CADM2: variants seen among roughly 807,000 people sequenced by gnomAD.
The protein encoded by CADM2 is cell adhesion molecule 2, also known as immunoglobulin superfamily member 4D.
CADM2 carries 12 observed loss-of-function variants against 49.8 expected under a neutral mutation model. The observed-to-expected ratio is 0.24, with a 90% CI of 0.15 to 0.39. The LOEUF is 0.39. Ranked by LOEUF, CADM2 falls within the 10% of genes least tolerant of loss-of-function variation. CADM2 has a pLI of 1.00. For missense variants in CADM2, 378 were observed against 492.3 expected, an observed-to-expected ratio of 0.77 and a Z score of 2.20; for synonymous variants, 214 against 175.4, an observed-to-expected ratio of 1.22 and a Z score of -1.74.
intron 1 of CADM2, among the ~76,000 whole-genome samples, chr3:85,543,005 A>T (rs2061580071): frequency 6.6e-6 from 1 of 152,170 alleles, no homozygotes; most frequent in Admixed American, 6.5e-5. Flanking sequence ...TCAAACTATC[A>T]TTTTTATCAT....
chr3:85,775,766 A>C (rs915249384), intron 2 of CADM2, among the ~76,000 whole-genome samples: 3 of 151,892 alleles, frequency 2.0e-5, no homozygotes, highest in Admixed American at 6.6e-5. Flanking sequence ...GATATGAAAA[A>C]GGAATTATAC....
intron 8 of CADM2, among the ~76,000 whole-genome samples, chr3:85,997,096 T>C (rs1729525278): frequency 6.6e-6 from 1 of 152,168 alleles, no homozygotes; most frequent in South Asian, 2.1e-4. Context: ...CACTTTCATC[T>C]CTCCGTGCAG....
chr3:85,340,373 T>G (rs2045206839), intron 1 of CADM2, among the ~76,000 whole-genome samples: 1 of 151,490 alleles, frequency 6.6e-6, no homozygotes, highest in Admixed American at 6.6e-5. Flanking sequence ...TTTAGGGATT[T>G]TAAAGAACAT....
At chr3:85,002,983 T>TG (rs1559611605) in intron 1 of CADM2, among the ~76,000 whole-genome samples, 2 of 151,996 alleles carry the variant, frequency 1.3e-5, no homozygotes, top group Admixed American at 1.3e-4. Context: ...ATAATAGAGA[T>TG]GGGGGTCTCT....
chr3:85,815,186 T>G (rs1438687228), intron 3 of CADM2, among the ~76,000 whole-genome samples: 1 of 152,120 alleles, frequency 6.6e-6, no homozygotes, highest in Non-Finnish European at 1.5e-5. Flanking sequence ...GCTGGTACCA[T>G]TCCTTCTGAA....
At chr3:85,664,432 A>G (rs1301123033) in intron 1 of CADM2, among the ~76,000 whole-genome samples, 1 of 151,932 alleles carries the variant, frequency 6.6e-6, no homozygotes, top group Non-Finnish European at 1.5e-5. Flanking sequence ...TTAGTTTCTA[A>G]GGACAAAAAA....
At chr3:85,587,003 T>A (rs1339185086) in intron 1 of CADM2, among the ~76,000 whole-genome samples, 2 of 152,046 alleles carry the variant, frequency 1.3e-5, no homozygotes, top group Non-Finnish European at 1.5e-5. Flanking sequence ...GAAGAAATAG[T>A]AGATGGGATT....
At chr3:85,248,286 T>C (rs1269597306) in intron 1 of CADM2, among the ~76,000 whole-genome samples, 1 of 152,124 alleles carries the variant, frequency 6.6e-6, no homozygotes, top group Non-Finnish European at 1.5e-5. Flanking sequence ...TTTTTTTAAC[T>C]TTTTTTGAGA....
At chr3:85,289,676 C>G (rs1192146433) in intron 1 of CADM2, among the ~76,000 whole-genome samples, 1 of 152,094 alleles carries the variant, frequency 6.6e-6, no homozygotes, top group East Asian at 1.9e-4. Flanking sequence ...TTGTCTTCCC[C>G]CTTCTCCAAA....
intron 5 of CADM2, among the ~76,000 whole-genome samples, chr3:85,903,838 G>T (rs73843510): frequency 0.054 from 8,184 of 152,126 alleles, 628 homozygotes; most frequent in African/African-American, 0.17. Flanking sequence ...TTTCAATAAT[G>T]CTATGTGCAT....
chr3:85,401,201 C>T (rs978607324), intron 1 of CADM2, among the ~76,000 whole-genome samples: 2 of 152,168 alleles, frequency 1.3e-5, no homozygotes, highest in African/African-American at 4.8e-5. Context: ...GCCACAGCCC[C>T]GTTCAGGATC....
At chr3:85,934,508 G>A (rs76816727) in intron 6 of CADM2, among the ~76,000 whole-genome samples, 5,176 of 151,892 alleles carry the variant, frequency 0.034, 297 homozygotes, top group African/African-American at 0.12. Flanking sequence ...TACACCACAA[G>A]TATTTACTGT....
intron 1 of CADM2, among the ~76,000 whole-genome samples, chr3:85,638,812 A>G (rs1206653441): frequency 1.3e-5 from 2 of 152,024 alleles, no homozygotes; most frequent in African/African-American, 4.8e-5. Flanking sequence ...TCAGCAAATC[A>G]CAGGCATGCA....
At chr3:85,228,715 C>T (rs775920930) in intron 1 of CADM2, among the ~76,000 whole-genome samples, 5 of 151,960 alleles carry the variant, frequency 3.3e-5, no homozygotes, top group Non-Finnish European at 5.9e-5. Flanking sequence ...GAGGTGCACC[C>T]GCCAGTTGCC....
At chr3:85,344,397 AAAT>A (rs1239217010) in intron 1 of CADM2, among the ~76,000 whole-genome samples, 2 of 149,058 alleles carry the variant, frequency 1.3e-5, no homozygotes, top group Non-Finnish European at 3.0e-5. Context: ...ATAAATAAAT[AAAT>A]AAATAAATAA....
At chr3:85,489,685 CAA>C (rs532114655) in intron 1 of CADM2, among the ~76,000 whole-genome samples, 1 of 114,580 alleles carries the variant, frequency 8.7e-6, no homozygotes, top group African/African-American at 3.1e-5. Flanking sequence ...CAAAACGAAA[CAA>C]AAAAAAAACA....
At chr3:85,581,146 A>G (rs1469593798) in intron 1 of CADM2, among the ~76,000 whole-genome samples, 1 of 152,144 alleles carries the variant, frequency 6.6e-6, no homozygotes, top group Admixed American at 6.6e-5. Flanking sequence ...AAATGACTTT[A>G]ATCACTTGAA....
intron 6 of CADM2, 36 bp from the exon 7 acceptor site, chr3:85,935,731 G>A (rs1334018622): frequency 1.6e-6 from 2 of 1,228,214 alleles, no homozygotes; most frequent in South Asian, 1.4e-5. Flanking sequence ...TTTTGTATGT[G>A]TTTAATTACC....
chr3:85,283,185 A>G (rs1368394289), intron 1 of CADM2, among the ~76,000 whole-genome samples: 1 of 151,990 alleles, frequency 6.6e-6, no homozygotes, highest in Non-Finnish European at 1.5e-5. Flanking sequence ...TTTTTATATC[A>G]GGTTTAAGCA....
Sources: gnomAD v4.1 joint callset for allele counts (sites outside exome capture counted in the v4.1 genomes callset) on GRCh38, gnomAD v4.1.1 for gene constraint, MANE v1.5 for transcripts, NCBI Gene and HGNC (gene_info 2026-07-23, HGNC 2026-07-21) for gene names.